The following ATP8A2 variants were observed in gnomAD, a reference collection of about 807,000 sequenced individuals.
ATP8A2 encodes the protein phospholipid-transporting ATPase IB.
In ATP8A2, 100 loss-of-function variants were observed where a neutral mutation model predicts 165.6. The observed-to-expected ratio is 0.60, with a 90% CI of 0.51 to 0.71. ATP8A2 has a LOEUF of 0.71. Among genes scored for constraint, ATP8A2 ranks in the 30% least tolerant of loss-of-function variants. The pLI, the probability that ATP8A2 is intolerant of heterozygous loss-of-function variation, is 0.00. For synonymous variants in ATP8A2, 543 were observed against 548.8 expected, an observed-to-expected ratio of 0.99 and a Z score of 0.15; for missense variants, 1,227 against 1,479.5, an observed-to-expected ratio of 0.83 and a Z score of 2.80.
intron 36 of ATP8A2, 61 bp downstream of exon 36, chr13:26,012,683 G>A (rs1304444224): frequency 1.9e-6 from 2 of 1,053,554 alleles, no homozygotes; most frequent in Non-Finnish European, 2.5e-6. Flanking sequence ...GGGGGTTGAT[G>A]AGGAGTTGGG....
intron 2 of ATP8A2, among the ~76,000 whole-genome samples, chr13:25,498,214 C>A (rs1240991963): frequency 6.6e-6 from 1 of 152,096 alleles, no homozygotes; most frequent in Non-Finnish European, 1.5e-5. Flanking sequence ...ATGAATGGTG[C>A]ATATTTGTGA....
chr13:25,860,427 G>A (rs547511880), intron 31 of ATP8A2, among the ~76,000 whole-genome samples, 171 bp downstream of exon 31: 4 of 152,164 alleles, frequency 2.6e-5, no homozygotes, highest in South Asian at 2.1e-4. Flanking sequence ...TTACATCATC[G>A]TTTCTGAAGG....
intron 7 of ATP8A2, 95 bp from the exon 8 acceptor site, chr13:25,540,224 A>G (rs2038426835): frequency 1.0e-5 from 9 of 903,306 alleles, no homozygotes; most frequent in Admixed American, 1.9e-5. Context: ...TGAAGGGCCA[A>G]TCAGCAGACA....
chr13:25,755,668 A>G (rs2044245618), intron 25 of ATP8A2, among the ~76,000 whole-genome samples: 1 of 152,168 alleles, frequency 6.6e-6, no homozygotes, highest in African/African-American at 2.4e-5. Context: ...GAACTTTGAG[A>G]GGCTGAGGTG....
intron 1 of ATP8A2, among the ~76,000 whole-genome samples, chr13:25,378,813 G>A (rs1399214865): frequency 6.6e-6 from 1 of 152,220 alleles, no homozygotes; most frequent in East Asian, 1.9e-4. Flanking sequence ...CTGATGGCAG[G>A]CAGTGCTGTT....
chr13:25,528,775 C>CA (rs1216309874), intron 2 of ATP8A2, among the ~76,000 whole-genome samples: 2 of 70,080 alleles, frequency 2.9e-5, no homozygotes, highest in African/African-American at 4.5e-5. Flanking sequence ...CATGTGTATG[C>CA]ACACATATGC....
chr13:25,806,660 A>G lies in ATP8A2; in HGVS notation c.2680-21458A>G, dbSNP rs563512138. On this transcript the variant is annotated intron_variant, in intron 27 of 36. Transcript: ENST00000381655. ...GAACATCTGTATACAGGTTTTTTGTATAGAAATAGGTATTCAGTTCTCTTC... is the reference window on the plus strand; with the variant it reads ...GAACATCTGTATACAGGTTTTTTGTGTAGAAATAGGTATTCAGTTCTCTTC... 7.9e-5 allele frequency among the ~76,000 whole-genome samples: 12 copies of G among 152,144 alleles called. No individual in the cohort carries two copies. The South Asian group carries it at 1.0e-3, about 13-fold the overall frequency.
intron 33 of ATP8A2, among the ~76,000 whole-genome samples, chr13:25,904,607 T>C (rs1953873508): frequency 6.6e-6 from 1 of 152,214 alleles, no homozygotes. Context: ...AAATACTTTC[T>C]TTCCATTCTC....
At chr13:25,841,898 G>A (rs1951753178) in intron 30 of ATP8A2, among the ~76,000 whole-genome samples, 1 of 152,128 alleles carries the variant, frequency 6.6e-6, no homozygotes, top group Non-Finnish European at 1.5e-5. Context: ...TCATCCCATG[G>A]TGGAAGGATA....
At chr13:25,825,746 T>C (rs908568843) in intron 27 of ATP8A2, among the ~76,000 whole-genome samples, 8 of 151,026 alleles carry the variant, frequency 5.3e-5, no homozygotes, top group Admixed American at 5.3e-4. Context: ...GGGGTTGAAA[T>C]TGTGGTTTTA....
Position 25,958,063 on chromosome 13 carries a change from A to C in ATP8A2, c.3184-3512A>C, listed in dbSNP as rs754969964. 2.0e-5 allele frequency among the ~76,000 whole-genome samples: 3 copies of C among 152,150 alleles called. No individual in the cohort carries two copies. In the East Asian group the frequency reaches 5.8e-4, roughly 30 times the overall value. On this transcript the variant is annotated intron_variant, in intron 33 of 36. Coordinates refer to ENST00000381655, the MANE Select transcript of ATP8A2 (RefSeq NM_016529.6). Reference sequence around the variant, plus strand: ...AACCAAGCACTGCATGTTCTCACTCATGAGTGAGAGTTGAACAATGAGAAC... The same window carrying C: ...AACCAAGCACTGCATGTTCTCACTCCTGAGTGAGAGTTGAACAATGAGAAC...
At chr13:25,587,183 A>G (rs1191591425) in intron 23 of ATP8A2, among the ~76,000 whole-genome samples, 3 of 151,970 alleles carry the variant, frequency 2.0e-5, no homozygotes, top group Admixed American at 6.6e-5. Flanking sequence ...AATCAAGCAC[A>G]CCAAATGTGG....
At chr13:25,648,801 T>C (rs2041741924) in intron 24 of ATP8A2, among the ~76,000 whole-genome samples, 1 of 152,220 alleles carries the variant, frequency 6.6e-6, no homozygotes, top group South Asian at 2.1e-4. Context: ...CTTGTTATAT[T>C]GTATTTTTAA....
At chr13:25,943,370 G>A (rs1955124586) in intron 33 of ATP8A2, among the ~76,000 whole-genome samples, 1 of 152,136 alleles carries the variant, frequency 6.6e-6, no homozygotes, top group Non-Finnish European at 1.5e-5. Flanking sequence ...TGACCAGGAT[G>A]GTCCCCTAAG....
At chr13:25,535,990 A>C (rs536579529) in intron 6 of ATP8A2, among the ~76,000 whole-genome samples, 1 of 152,322 alleles carries the variant, frequency 6.6e-6, no homozygotes, top group African/African-American at 2.4e-5. Flanking sequence ...TGAATTTAAA[A>C]AAATCCACTG....
chr13:25,437,999 C>T (rs1173387250), intron 1 of ATP8A2, among the ~76,000 whole-genome samples: 1 of 152,162 alleles, frequency 6.6e-6, no homozygotes, highest in Non-Finnish European at 1.5e-5. Flanking sequence ...AACCCTTTCC[C>T]TTTTAGTCTT....
intron 24 of ATP8A2, among the ~76,000 whole-genome samples, chr13:25,596,771 C>G (rs1230301801): frequency 6.6e-6 from 1 of 151,948 alleles, no homozygotes; most frequent in South Asian, 2.1e-4. Context: ...TTTGTTTTTC[C>G]TGGGTAAATA....
chr13:25,795,469 G>A (rs139929022), intron 27 of ATP8A2, among the ~76,000 whole-genome samples: 1 of 152,170 alleles, frequency 6.6e-6, no homozygotes, highest in Non-Finnish European at 1.5e-5. Context: ...ATGACAGATT[G>A]TCAGCACATT....
At chr13:25,667,321 G>A (rs1304495388) in intron 24 of ATP8A2, among the ~76,000 whole-genome samples, 1 of 152,112 alleles carries the variant, frequency 6.6e-6, no homozygotes, top group African/African-American at 2.4e-5. Flanking sequence ...TTGGGAAGTG[G>A]AGCCTACTGG....
Sources: gnomAD v4.1 joint callset for allele counts (sites outside exome capture counted in the v4.1 genomes callset) on GRCh38, gnomAD v4.1.1 for gene constraint, MANE v1.5 for transcripts, NCBI Gene and HGNC (gene_info 2026-07-23, HGNC 2026-07-21) for gene names.